MAN1A2: variants seen among roughly 807,000 people sequenced by gnomAD.
The protein encoded by MAN1A2 is mannosyl-oligosaccharide 1,2-alpha-mannosidase IB.
In MAN1A2, 26 loss-of-function variants were observed where a neutral mutation model predicts 75.7. The observed-to-expected ratio is 0.34, with a 90% CI of 0.25 to 0.48. The LOEUF (loss-of-function observed/expected upper bound fraction) is 0.48, where lower values mean the gene tolerates loss of function less well. MAN1A2 is among the 20% of genes least tolerant of loss of function. The pLI, the probability that MAN1A2 is intolerant of heterozygous loss-of-function variation, is 0.99. For synonymous variants in MAN1A2, 247 were observed against 264.6 expected, an observed-to-expected ratio of 0.93 and a Z score of 0.65; for missense variants, 562 against 775.5, an observed-to-expected ratio of 0.72 and a Z score of 3.27.
intron 6 of MAN1A2, among the ~76,000 whole-genome samples, chr1:117,460,065 T>TAAA (rs148646990): frequency 7.6e-6 from 1 of 132,256 alleles, no homozygotes; most frequent in Non-Finnish European, 1.6e-5. Context: ...CGTACAACTG[T>TAAA]AAAAAAAAAA....
intron 1 of MAN1A2, among the ~76,000 whole-genome samples, chr1:117,383,210 A>G (rs918320203): frequency 1.3e-5 from 2 of 152,064 alleles, no homozygotes; most frequent in East Asian, 1.9e-4. Context: ...ATTCTCTTCT[A>G]TTTTTAGTAT....
chr1:117,450,527 C>G (rs1440187446), intron 6 of MAN1A2, among the ~76,000 whole-genome samples: 1 of 152,192 alleles, frequency 6.6e-6, no homozygotes. Flanking sequence ...TGTTAACCCC[C>G]AAGACAATGG....
At chr1:117,483,849 C>T (rs1020778822) in intron 8 of MAN1A2, among the ~76,000 whole-genome samples, 1 of 152,036 alleles carries the variant, frequency 6.6e-6, no homozygotes, top group Admixed American at 6.6e-5. Context: ...TTTGCCCATT[C>T]AGTATGCTAT....
At chr1:117,504,468 C>T (rs1251818717) in intron 12 of MAN1A2, among the ~76,000 whole-genome samples, 1 of 150,808 alleles carries the variant, frequency 6.6e-6, no homozygotes, top group Non-Finnish European at 1.5e-5. Context: ...TTTTATTTTG[C>T]TGGACAAGTT....
chr1:117,492,279 C>G (rs1222407457), intron 8 of MAN1A2, among the ~76,000 whole-genome samples: 3 of 152,048 alleles, frequency 2.0e-5, no homozygotes, highest in African/African-American at 7.2e-5. Context: ...GCCACCCCAG[C>G]CTTCAGCAGC....
rs531105232 is a variant in MAN1A2 at position 117,368,492 on chromosome 1, T to A, written c.302+7T>A. 1 of 1,591,686 alleles carries A rather than the reference T, an allele frequency of 6.3e-7. No individual in the cohort carries two copies. Among genetic ancestry groups the A allele is most frequent in the South Asian group, 1.1e-5 (1 of 87,318 alleles). ...CCGATGAACATAGACACAGGTTTGT[T>A]TATTTCAGAAGTTCTGGTACTAACA... On this transcript the variant is annotated splice_region_variant and intron_variant, in intron 1 of 12. Coordinates refer to ENST00000356554, the MANE Select transcript of MAN1A2 (RefSeq NM_006699.5).
At chr1:117,475,699 CT>C (rs767744782) in intron 8 of MAN1A2, among the ~76,000 whole-genome samples, 3 of 151,992 alleles carry the variant, frequency 2.0e-5, no homozygotes, top group Non-Finnish European at 2.9e-5. Context: ...TGAACTCATC[CT>C]TTTTTATGGC....
chr1:117,497,876 G>A (rs140104104), intron 10 of MAN1A2, among the ~76,000 whole-genome samples: 9 of 151,836 alleles, frequency 5.9e-5, no homozygotes, highest in East Asian at 3.9e-4. Context: ...ATTTGATTTC[G>A]GAAGTTGAAT....
In MAN1A2 at chr1:117,402,328, A is replaced by G. The variant is rs1185376983; in HGVS notation, c.445A>G (p.Lys149Glu). The G allele has an allele frequency of 1.2e-6, 2 of 1,613,862 alleles. No homozygotes were observed. Among genetic ancestry groups the G allele is most frequent in the Non-Finnish European group, 8.5e-7 (1 of 1,179,810 alleles). The change falls in exon 2 of 13, where the codon AAG (lysine) becomes GAG (glutamate). Residue 149 changes from lysine to glutamate, a missense_variant. This residue lies in a region of MAN1A2 where 434 missense variants were observed against 645.7 expected (regional missense o/e 0.67). Transcript: ENST00000356554. ...TEKNKVVQEM[K>E]IKENKPLPPV... ...GAAAAATAAGGTAGTCCAAGAAATG[A>G]AGATAAAAGAGAACAAGCCACTGCC...
chr1:117,385,670 A>C (rs949934446), intron 1 of MAN1A2, among the ~76,000 whole-genome samples: 3 of 152,226 alleles, frequency 2.0e-5, no homozygotes, highest in Non-Finnish European at 4.4e-5. Context: ...TGTATTACAA[A>C]TAATTACAGG....
intron 1 of MAN1A2, among the ~76,000 whole-genome samples, chr1:117,382,744 T>G (rs922832107): frequency 3.3e-5 from 5 of 152,188 alleles, no homozygotes; most frequent in African/African-American, 1.2e-4. Context: ...TTGATGGGGA[T>G]GGCATTGAAT....
intron 6 of MAN1A2, among the ~76,000 whole-genome samples, chr1:117,458,523 A>AT (rs5777311): frequency 2.7e-4 from 28 of 105,614 alleles, no homozygotes; most frequent in African/African-American, 6.2e-4. Flanking sequence ...ATATATATAT[A>AT]TTTTTTTTTT....
chr1:117,519,557 C>T (rs1224837773), intron 12 of MAN1A2, among the ~76,000 whole-genome samples: 1 of 151,926 alleles, frequency 6.6e-6, no homozygotes, highest in Non-Finnish European at 1.5e-5. Flanking sequence ...CACCTTTACA[C>T]ACATAAACTA....
chr1:117,438,342 A>G (rs1342741234), intron 5 of MAN1A2, among the ~76,000 whole-genome samples: 1 of 150,198 alleles, frequency 6.7e-6, no homozygotes, highest in East Asian at 1.9e-4. Context: ...CAGCTGTAAA[A>G]TATATTTGTG....
In MAN1A2 at chr1:117,483,023, C is replaced by G. The variant is rs1395093553; in HGVS notation, c.1169-10124C>G. 2.6e-5 allele frequency among the ~76,000 whole-genome samples: 4 copies of G among 152,144 alleles called. No individual in the cohort carries two copies. In the East Asian group the frequency reaches 7.8e-4, roughly 29 times the overall value. On this transcript the variant is annotated intron_variant, in intron 8 of 12. Coordinates refer to ENST00000356554, the MANE Select transcript of MAN1A2 (RefSeq NM_006699.5). ...TCCTTTCTCCATTTCTTGTTTTTGT[C>G]AGGTTTGTCAAAGGTCAGATGGTTG...
At chr1:117,391,807 C>T (rs948057871) in intron 1 of MAN1A2, among the ~76,000 whole-genome samples, 18 of 152,170 alleles carry the variant, frequency 1.2e-4, no homozygotes, top group Middle Eastern at 3.2e-3. Context: ...TATCCCAAAT[C>T]ACCCTTTCTT....
In MAN1A2 at chr1:117,525,160, A is replaced by G. The variant is rs750515892; in HGVS notation, c.*2203A>G. ...CTATTTGTATTACCCAGATGACTGA[A>G]GCTTAAGAGAAGGCAGGGAAGTATA... On this transcript the variant is annotated 3_prime_UTR_variant, in exon 13 of 13. Coordinates refer to ENST00000356554, the MANE Select transcript of MAN1A2 (RefSeq NM_006699.5). 1 of 524,754 alleles carries G rather than the reference A, an allele frequency of 1.9e-6. No homozygotes were observed. Among genetic ancestry groups the G allele is most frequent in the Non-Finnish European group, 3.9e-6 (1 of 255,920 alleles). 32.5% of individuals were successfully genotyped at this position (524,754 alleles called of 1,614,324 possible). A position where few individuals can be genotyped will look rare whatever the true frequency, so the allele number is the denominator to read the frequency against.
intron 1 of MAN1A2, among the ~76,000 whole-genome samples, chr1:117,383,545 T>A (rs1490017418): frequency 6.6e-6 from 1 of 152,182 alleles, no homozygotes; most frequent in African/African-American, 2.4e-5. Context: ...AATCCTTCTT[T>A]AAAGATTTGG....
rs1434743112 is a variant in MAN1A2, at chr1:117,499,547, C to G, written c.1670C>G (p.Ala557Gly). 4 of 1,597,738 alleles carry G rather than the reference C, an allele frequency of 2.5e-6. No homozygotes were observed. In the East Asian group the frequency reaches 9.2e-5, roughly 37 times the overall value. Residue 557 changes from alanine (A) to glycine (G), a missense_variant, in exon 11 of 13, where the codon GCA (alanine) becomes GGA (glycine). This residue lies in a region of MAN1A2 where 434 missense variants were observed against 645.7 expected (regional missense o/e 0.67). Transcript: ENST00000356554. ...DPRYRQWGWE[A>G]ALAIEKYCRV... ...AGATACAGGCAGTGGGGCTGGGAAG[C>G]AGCACTGGTAAATAAGCCAATATTC...
Sources: gnomAD v4.1 joint callset for allele counts (sites outside exome capture counted in the v4.1 genomes callset) on GRCh38, gnomAD v4.1.1 for gene constraint, gnomAD v4.1.1 regional missense constraint, MANE v1.5 for transcripts, NCBI Gene and HGNC (gene_info 2026-07-23, HGNC 2026-07-21) for gene names.